Variants in SOX5 observed in about 807,000 individuals in gnomAD.
The protein encoded by SOX5 is transcription factor SOX-5.
In SOX5, 9 loss-of-function variants were observed where a neutral mutation model predicts 92.0. That is an observed-to-expected ratio of 0.10 (90% CI 0.06 to 0.17). The LOEUF (loss-of-function observed/expected upper bound fraction) is 0.17, where lower values mean the gene tolerates loss of function less well. Ranked by LOEUF, SOX5 falls within the 10% of genes least tolerant of loss-of-function variation. The probability of loss-of-function intolerance (pLI) is 1.00; values close to 1 mark genes in which losing one functional copy is unlikely to be tolerated. For missense variants in SOX5, 642 were observed against 944.5 expected (o/e 0.68, Z 4.20); for synonymous variants, 344 against 336.3 (o/e 1.02, Z -0.25).
intron 3 of SOX5, among the ~76,000 whole-genome samples, chr12:24,235,105 C>T (rs902353104): frequency 4.6e-5 from 7 of 152,200 alleles, no homozygotes; most frequent in African/African-American, 1.7e-4. Context: ...TCTGTACTGT[C>T]TCACACTAAA....
At chr12:24,491,119 AGC>A (rs1206990674) in intron 1 of SOX5, among the ~76,000 whole-genome samples, 4 of 152,030 alleles carry the variant, frequency 2.6e-5, no homozygotes, top group African/African-American at 9.7e-5. Flanking sequence ...CCTGGGTGGT[AGC>A]CATTCATGCT....
intron 4 of SOX5, among the ~76,000 whole-genome samples, chr12:24,139,582 A>G (rs1362131812): frequency 6.6e-6 from 1 of 152,220 alleles, no homozygotes; most frequent in Non-Finnish European, 1.5e-5. Flanking sequence ...GCCCACAAAA[A>G]TAGTTTTTTG....
chr12:24,368,137 A>G (rs1343573753), intron 2 of SOX5: 2 of 152,248 alleles, frequency 1.3e-5, no homozygotes, highest in Non-Finnish European at 2.9e-5. Flanking sequence ...GAGAAGATGA[A>G]AGATAGCAAT....
intron 2 of SOX5, among the ~76,000 whole-genome samples, chr12:23,853,947 A>C (rs2096660679): frequency 6.6e-6 from 1 of 152,112 alleles, no homozygotes; most frequent in South Asian, 2.1e-4. Context: ...ATTTGTAATA[A>C]ATTTAACATG....
At chr12:23,750,107 G>T (rs1025430815) in intron 4 of SOX5, among the ~76,000 whole-genome samples, 1 of 151,826 alleles carries the variant, frequency 6.6e-6, no homozygotes, top group African/African-American at 2.4e-5. Context: ...GTCAAACTCT[G>T]TTGAAGACAG....
intron 4 of SOX5, among the ~76,000 whole-genome samples, chr12:23,964,646 T>C (rs1947334034): frequency 6.6e-6 from 1 of 152,196 alleles, no homozygotes. Context: ...CTTTATTACT[T>C]CTATTTATAT....
intron 6 of SOX5, among the ~76,000 whole-genome samples, chr12:23,690,902 C>A (rs555468257): frequency 1.3e-5 from 2 of 152,318 alleles, no homozygotes; most frequent in African/African-American, 4.8e-5. Context: ...TTGACTTGTT[C>A]CAGTAAGCCT....
intron 2 of SOX5, among the ~76,000 whole-genome samples, chr12:24,318,012 A>T (rs1465047822): frequency 1.3e-5 from 2 of 152,112 alleles, no homozygotes; most frequent in African/African-American, 4.8e-5. Context: ...GGAGTTCAAG[A>T]CCAGCCTGTT....
chr12:24,429,471 A>G (rs1035046674), intron 1 of SOX5, among the ~76,000 whole-genome samples: 13 of 152,250 alleles, frequency 8.5e-5, no homozygotes, highest in Admixed American at 2.6e-4. Context: ...TAAAGATAAA[A>G]TTAATCGATT....
intron 4 of SOX5, among the ~76,000 whole-genome samples, chr12:24,154,934 C>T (rs1952016421): frequency 6.6e-6 from 1 of 152,086 alleles, no homozygotes; most frequent in South Asian, 2.1e-4. Flanking sequence ...AAAAGTAAAT[C>T]ATGCCTTTTG....
At position 23,533,070 on chromosome 12, in the gene SOX5, A is replaced by G. The variant is rs1939421198; in HGVS notation, c.*1149T>C. On this transcript the variant is annotated 3_prime_UTR_variant, in exon 15 of 15. Transcript: ENST00000451604. Reference sequence around the variant, plus strand: ...CTGATCCATCCAATAATAATCAGACATTTAAAAATATAATTTCTGAGCCCT... The same window carrying G: ...CTGATCCATCCAATAATAATCAGACGTTTAAAAATATAATTTCTGAGCCCT... 7.1e-6 allele frequency: 3 copies of G among 421,794 alleles called. No homozygotes were observed. The highest frequency in any genetic ancestry group is 9.7e-6 in the Non-Finnish European group (2 of 206,844). The allele number at this position is 421,794 out of a possible 1,614,324, so 26.1% of individuals were successfully genotyped here.
intron 11 of SOX5, 135 bp downstream of exon 11, chr12:23,563,123 C>T (rs1259783274): frequency 1.4e-6 from 1 of 696,962 alleles, no homozygotes; most frequent in Non-Finnish European, 2.3e-6. Flanking sequence ...ATGAGGCCTT[C>T]TATATTAATG....
intron 1 of SOX5, among the ~76,000 whole-genome samples, chr12:24,478,646 CT>C (rs922506516): frequency 6.6e-6 from 1 of 152,162 alleles, no homozygotes; most frequent in Admixed American, 6.5e-5. Context: ...TTTTAGTTAC[CT>C]GAAACAAGAA....
At chr12:23,910,245 A>T (rs1284395840) in intron 1 of SOX5, among the ~76,000 whole-genome samples, 1 of 152,154 alleles carries the variant, frequency 6.6e-6, no homozygotes, top group Non-Finnish European at 1.5e-5. Flanking sequence ...TATAAATTAC[A>T]TTTTAAAGAA....
Position 24,200,485 on chromosome 12 carries a change from G to A in SOX5, c.-2+12858C>T, listed in dbSNP as rs1057289555. ...AAGGAACTCTGATTGTAATAGTAAA[G>A]TGTTACTTTTTTTTTTTTAATTTGA... On this transcript the variant is annotated intron_variant, in intron 4 of 4. Transcript: ENST00000446891. 2.6e-5 allele frequency among the ~76,000 whole-genome samples: 4 copies of A among 151,560 alleles called. No individual in the cohort carries two copies. The South Asian group carries it at 8.3e-4, about 32-fold the overall frequency.
intron 4 of SOX5, among the ~76,000 whole-genome samples, chr12:23,989,769 G>A (rs1232368805): frequency 2.0e-5 from 3 of 152,110 alleles, no homozygotes; most frequent in African/African-American, 7.2e-5. Context: ...CCTCACCAGA[G>A]TCCAACCATG....
chr12:23,635,040 C>T (rs951320240), intron 8 of SOX5, among the ~76,000 whole-genome samples: 4 of 152,090 alleles, frequency 2.6e-5, no homozygotes, highest in African/African-American at 9.7e-5. Flanking sequence ...CTGGTAGATG[C>T]TAGAAAGTAT....
At chr12:24,323,094 C>T (rs996455422) in intron 2 of SOX5, among the ~76,000 whole-genome samples, 10 of 151,916 alleles carry the variant, frequency 6.6e-5, no homozygotes, top group African/African-American at 2.2e-4. Context: ...GTTAGAAATG[C>T]ATAATCACAG....
rs11047070 is a variant in SOX5, at chr12:23,736,197, C to T, written c.742-1445G>A. On this transcript the variant is annotated intron_variant, in intron 5 of 14. Coordinates refer to ENST00000451604, the MANE Select transcript of SOX5 (RefSeq NM_006940.6). ...AATCTCTTGGCCGGGTGTGGTGGCT[C>T]ACGCCTGTAATCTCAGCATTTCGGG... 2.5e-3 allele frequency among the ~76,000 whole-genome samples: 383 copies of T among 150,876 alleles called. 2 individuals carry two copies. The highest frequency in any genetic ancestry group is 8.8e-3 in the African/African-American group (361 of 41,148).
Sources: gnomAD v4.1 joint callset for allele counts (sites outside exome capture counted in the v4.1 genomes callset) on GRCh38, gnomAD v4.1.1 for gene constraint, MANE v1.5 for transcripts, NCBI Gene and HGNC (gene_info 2026-07-23, HGNC 2026-07-21) for gene names.